Variants in ANKRD17 observed in about 807,000 individuals in gnomAD.
ANKRD17 encodes ankyrin repeat domain 17, also known as ankyrin repeat domain-containing protein 17.
Under a neutral mutation model 229.7 loss-of-function variants are expected in ANKRD17, and 19 were observed. That is an observed-to-expected ratio of 0.08 (90% confidence interval 0.06 to 0.12). The LOEUF is 0.12. Ranked by LOEUF, ANKRD17 falls within the 10% of genes least tolerant of loss-of-function variation. ANKRD17 has a pLI of 1.00. For synonymous variants in ANKRD17, 1,112 were observed against 1,146.1 expected, an observed-to-expected ratio of 0.97 and a Z score of 0.60; for missense variants, 2,176 against 3,176.8, an observed-to-expected ratio of 0.68 and a Z score of 7.57.
At chr4:73,089,551 T>A (rs1722558542) in intron 29 of ANKRD17, among the ~76,000 whole-genome samples, 1 of 152,216 alleles carries the variant, frequency 6.6e-6, no homozygotes, top group East Asian at 1.9e-4. Context: ...GAAAAACTTG[T>A]GAAATCTGCC....
chr4:73,157,493 TCTCA>T (rs1473433859), intron 3 of ANKRD17, among the ~76,000 whole-genome samples: 1 of 152,204 alleles, frequency 6.6e-6, no homozygotes, highest in African/African-American at 2.4e-5. Context: ...TTCTAAAGAT[TCTCA>T]CTTTCGTATA....
intron 8 of ANKRD17, among the ~76,000 whole-genome samples, chr4:73,147,953 G>A (rs931048075): frequency 6.6e-6 from 1 of 152,030 alleles, no homozygotes; most frequent in African/African-American, 2.4e-5. Flanking sequence ...CATCACTATA[G>A]CTAGCACTTA....
intron 1 of ANKRD17, among the ~76,000 whole-genome samples, chr4:73,190,690 A>C (rs1736953328): frequency 6.6e-6 from 1 of 152,192 alleles, no homozygotes; most frequent in African/African-American, 2.4e-5. Flanking sequence ...GAAGCAACTG[A>C]AAACTAAGTA....
chr4:73,228,077 TTAAAATTATTAAATTTA>T lies in ANKRD17; in HGVS notation c.393+30182_393+30198del, dbSNP rs1360229457. On this transcript the variant is annotated intron_variant, in intron 1 of 33. Transcript: ENST00000358602. ...AAAAAAACTAAAACAATTCTACCTC[TTAAAATTATTAAATTTA>T]ATCATTACTTTATAGTATCTCTCTT... 2.0e-5 allele frequency among the ~76,000 whole-genome samples: 3 copies of T among 152,208 alleles called. No homozygotes were observed. In the East Asian group the frequency reaches 5.8e-4, roughly 29 times the overall value.
At chr4:73,143,594 G>A (rs771863543) in intron 11 of ANKRD17, among the ~76,000 whole-genome samples, 5 of 152,158 alleles carry the variant, frequency 3.3e-5, no homozygotes, top group Admixed American at 2.0e-4. Flanking sequence ...TATCACCAGT[G>A]CATGGGAAAA....
At chr4:73,212,405 T>C (rs1740397864) in intron 1 of ANKRD17, among the ~76,000 whole-genome samples, 1 of 152,228 alleles carries the variant, frequency 6.6e-6, no homozygotes. Flanking sequence ...CCATAATTCA[T>C]AAAACATTTA....
intron 1 of ANKRD17, among the ~76,000 whole-genome samples, chr4:73,243,652 G>C (rs547915709): frequency 1.6e-4 from 25 of 152,160 alleles, no homozygotes; most frequent in Non-Finnish European, 3.2e-4. Flanking sequence ...TCATAGAATT[G>C]TATCAATATA....
At chr4:73,151,627 A>C in intron 6 of ANKRD17, 103 bp from the exon 7 acceptor site, 2 of 861,584 alleles carry the variant, frequency 2.3e-6, no homozygotes, top group Non-Finnish European at 3.3e-6. Flanking sequence ...TACAGCATTA[A>C]ATTTATAAGC....
chr4:73,074,386 C>T lies in ANKRD17; in HGVS notation c.*1845G>A, dbSNP rs1720879580. On this transcript the variant is annotated 3_prime_UTR_variant, in exon 34 of 34. Coordinates refer to ENST00000358602, the MANE Select transcript of ANKRD17 (RefSeq NM_032217.5). Reference sequence around the variant, plus strand: ...GTGGCAAGTCATATATAAAATACTTCGTTAAATAACATTATTACATCCCTT... The same window carrying T: ...GTGGCAAGTCATATATAAAATACTTTGTTAAATAACATTATTACATCCCTT... 2 of 151,862 alleles carry T rather than the reference C, an allele frequency of 1.3e-5. No individual in the cohort carries two copies. The highest frequency in any genetic ancestry group is 4.1e-4 in the South Asian group (2 of 4,822). The allele number at this position is 151,862 out of a possible 1,614,324, so 9.4% of individuals were successfully genotyped here. A position where few individuals can be genotyped will look rare whatever the true frequency, so the allele number is the denominator to read the frequency against.
chr4:73,214,485 T>C (rs1410182064), intron 1 of ANKRD17, among the ~76,000 whole-genome samples: 1 of 152,154 alleles, frequency 6.6e-6, no homozygotes. Context: ...AGATGGTTAT[T>C]TGCCTGTTGC....
At chr4:73,162,899 G>A (rs1297791212) in intron 2 of ANKRD17, among the ~76,000 whole-genome samples, 3 of 151,898 alleles carry the variant, frequency 2.0e-5, no homozygotes, top group Non-Finnish European at 4.4e-5. Flanking sequence ...TCACCTGGTT[G>A]CCCAAGCTGA....
intron 1 of ANKRD17, among the ~76,000 whole-genome samples, chr4:73,223,266 A>G (rs968567743): frequency 6.6e-6 from 1 of 152,206 alleles, no homozygotes; most frequent in Non-Finnish European, 1.5e-5. Flanking sequence ...TAACAGACAA[A>G]ATAAAGTCTC....
chr4:73,120,386 G>C (rs1046620663), intron 20 of ANKRD17, 49 bp from the exon 21 acceptor site: 2 of 1,537,858 alleles, frequency 1.3e-6, no homozygotes, highest in African/African-American at 2.8e-5. Flanking sequence ...AGACTGGAAA[G>C]ATCTAAAATT....
chr4:73,254,696 A>G (rs1409259893), intron 1 of ANKRD17, among the ~76,000 whole-genome samples: 1 of 151,056 alleles, frequency 6.6e-6, no homozygotes, highest in Non-Finnish European at 1.5e-5. Flanking sequence ...TGAACCCGGG[A>G]GGTGGAAGTT....
At chr4:73,206,913 C>G (rs763792989) in intron 1 of ANKRD17, among the ~76,000 whole-genome samples, 7 of 152,070 alleles carry the variant, frequency 4.6e-5, no homozygotes, top group African/African-American at 1.4e-4. Context: ...ACCTCCACCC[C>G]ACGGGGTTCA....
chr4:73,221,187 G>A (rs1221850283), intron 1 of ANKRD17, among the ~76,000 whole-genome samples: 1 of 151,990 alleles, frequency 6.6e-6, no homozygotes, highest in Non-Finnish European at 1.5e-5. Context: ...TAGTATGATA[G>A]GATGCAACAG....
At chr4:73,205,472 T>C (rs1224709030) in intron 1 of ANKRD17, among the ~76,000 whole-genome samples, 2 of 152,070 alleles carry the variant, frequency 1.3e-5, no homozygotes, top group Non-Finnish European at 1.5e-5. Flanking sequence ...TTGACAAAGA[T>C]GCCAAGAACA....
At chr4:73,226,396 T>G (rs1020617781) in intron 1 of ANKRD17, among the ~76,000 whole-genome samples, 5 of 137,528 alleles carry the variant, frequency 3.6e-5, no homozygotes, top group Non-Finnish European at 7.9e-5. Flanking sequence ...TCTGTTTTTT[T>G]TTTTTTTTTT....
intron 29 of ANKRD17, among the ~76,000 whole-genome samples, chr4:73,090,084 T>G (rs1407243990): frequency 6.6e-6 from 1 of 152,150 alleles, no homozygotes; most frequent in Non-Finnish European, 1.5e-5. Context: ...AGTACCTTAT[T>G]AAATTAAAAC....
Sources: gnomAD v4.1 joint callset for allele counts (sites outside exome capture counted in the v4.1 genomes callset) on GRCh38, gnomAD v4.1.1 for gene constraint, MANE v1.5 for transcripts, NCBI Gene and HGNC (gene_info 2026-07-23, HGNC 2026-07-21) for gene names.